The following CPA6 variants were observed in gnomAD, a reference collection of about 807,000 sequenced individuals.
CPA6 encodes carboxypeptidase B.
Under a neutral mutation model 63.3 loss-of-function variants are expected in CPA6, and 58 were observed. The observed-to-expected ratio is 0.92, with a 90% CI of 0.74 to 1.14. CPA6 has a LOEUF of 1.14. Ranked by LOEUF, CPA6 falls within the 50% of genes most tolerant of loss-of-function variation. CPA6 has a pLI of 0.00. For missense variants in CPA6, 565 were observed against 526.6 expected, an observed-to-expected ratio of 1.07 and a Z score of -0.71; for synonymous variants, 185 against 179.0, an observed-to-expected ratio of 1.03 and a Z score of -0.27.
At chr8:67,478,399 A>G (rs762199352) in intron 8 of CPA6, among the ~76,000 whole-genome samples, 17 of 152,324 alleles carry the variant, frequency 1.1e-4, no homozygotes, top group Non-Finnish European at 1.8e-4. Context: ...GAATTGAAAG[A>G]GGGGGTCTTG....
intron 8 of CPA6, among the ~76,000 whole-genome samples, chr8:67,447,479 C>T (rs1237082068): frequency 6.7e-6 from 1 of 148,766 alleles, no homozygotes; most frequent in Admixed American, 6.8e-5. Flanking sequence ...AGGAATAGGG[C>T]CCTGGGCTGA....
intron 2 of CPA6, among the ~76,000 whole-genome samples, chr8:67,618,127 G>A (rs1265670807): frequency 6.6e-6 from 1 of 152,210 alleles, no homozygotes; most frequent in Non-Finnish European, 1.5e-5. Context: ...TTTCAGGAGA[G>A]AAGATGTGTG....
chr8:67,677,127 C>T (rs62511390), intron 1 of CPA6, among the ~76,000 whole-genome samples: 5,349 of 152,186 alleles, frequency 0.035, 122 homozygotes, highest in Non-Finnish European at 0.047. Flanking sequence ...GTACAACCTT[C>T]GCAGTTTACC....
At chr8:67,599,776 C>T (rs1814444405) in intron 2 of CPA6, among the ~76,000 whole-genome samples, 1 of 152,080 alleles carries the variant, frequency 6.6e-6, no homozygotes, top group Non-Finnish European at 1.5e-5. Context: ...CTGAAGAATG[C>T]CATGATGATA....
At chr8:67,487,321 T>G (rs1438437084) in intron 6 of CPA6, among the ~76,000 whole-genome samples, 1 of 152,160 alleles carries the variant, frequency 6.6e-6, no homozygotes, top group Non-Finnish European at 1.5e-5. Context: ...TCTGTCCTTG[T>G]GATAGTTTGC....
Position 67,453,354 on chromosome 8 carries a change from G to C in CPA6, c.839-19114C>G, listed in dbSNP as rs999701951. ...ATTGATCCATGGGTTTAAGGCCTGA[G>C]TAACTGGAAGGATGGAGTTGCCATC... On this transcript the variant is annotated intron_variant, in intron 8 of 10. Transcript: ENST00000297770. Among the ~76,000 whole-genome samples the C allele has an allele frequency of 2.0e-5, 3 of 152,288 alleles. No homozygotes were observed. In the East Asian group the frequency reaches 5.8e-4, roughly 29 times the overall value.
Position 67,584,946 on chromosome 8 carries a change from G to A in CPA6, c.192+39230C>T, listed in dbSNP as rs924757359. Among the ~76,000 whole-genome samples the A allele has an allele frequency of 8.5e-5, 13 of 152,272 alleles. No individual in the cohort carries two copies. The South Asian group carries it at 1.0e-3, about 12-fold the overall frequency. ...CATCTGCTTGGACATACCATTAGCC[G>A]ATTAGCAAGAAGGATGATTCCTATG... On this transcript the variant is annotated intron_variant, in intron 2 of 10. Coordinates refer to ENST00000297770, the MANE Select transcript of CPA6 (RefSeq NM_020361.5).
chr8:67,553,131 T>G (rs1024992329), intron 2 of CPA6, among the ~76,000 whole-genome samples: 1 of 152,216 alleles, frequency 6.6e-6, no homozygotes, highest in Non-Finnish European at 1.5e-5. Context: ...GTTGATGCTT[T>G]CTTGATTTTT....
At chr8:67,737,159 T>C (rs1158476834) in intron 1 of CPA6, among the ~76,000 whole-genome samples, 1 of 152,186 alleles carries the variant, frequency 6.6e-6, no homozygotes, top group Non-Finnish European at 1.5e-5. Context: ...CAGAACCATA[T>C]GTTATGGGAC....
intron 1 of CPA6, 67 bp from the exon 2 acceptor site, chr8:67,624,318 T>C: frequency 1.2e-6 from 1 of 850,324 alleles, no homozygotes; most frequent in Non-Finnish European, 1.8e-6. Context: ...ATCTCTTTCT[T>C]ACCTCTTAAA....
intron 1 of CPA6, among the ~76,000 whole-genome samples, chr8:67,678,867 A>G (rs1165550107): frequency 6.6e-6 from 1 of 152,248 alleles, no homozygotes. Context: ...CCAAGATTAG[A>G]ATAGGTATAT....
intron 8 of CPA6, among the ~76,000 whole-genome samples, chr8:67,459,150 A>C (rs939472469): frequency 6.6e-6 from 1 of 152,098 alleles, no homozygotes; most frequent in Non-Finnish European, 1.5e-5. Flanking sequence ...ATTTTTATCT[A>C]TTTATTTATT....
Position 67,524,019 on chromosome 8 carries a change from C to T in CPA6, c.193-5972G>A, listed in dbSNP as rs74481585. On this transcript the variant is annotated intron_variant, in intron 2 of 10. Transcript: ENST00000297770. ...GAAAACTTGATATCAAGTTTGTCTT[C>T]GACTAGTGTTTAATTTAGACAATCA... Among the ~76,000 whole-genome samples the T allele has an allele frequency of 3.0e-3, 464 of 152,304 alleles. 1 individual carries two copies. The highest frequency in any genetic ancestry group is 6.8e-3 in the South Asian group (33 of 4,830).
chr8:67,656,950 A>G (rs1032036725), intron 1 of CPA6, among the ~76,000 whole-genome samples: 4 of 152,228 alleles, frequency 2.6e-5, no homozygotes, highest in Non-Finnish European at 5.9e-5. Flanking sequence ...CTGAGGCAGT[A>G]CGATGCCATT....
chr8:67,592,673 G>A (rs372588586), intron 2 of CPA6, among the ~76,000 whole-genome samples: 56 of 152,088 alleles, frequency 3.7e-4, no homozygotes, highest in South Asian at 8.3e-4. Flanking sequence ...GTTTATTTGC[G>A]TAGAGGTGTT....
At chr8:67,631,801 A>C (rs1321384363) in intron 1 of CPA6, among the ~76,000 whole-genome samples, 1 of 152,146 alleles carries the variant, frequency 6.6e-6, no homozygotes, top group African/African-American at 2.4e-5. Flanking sequence ...GTGGCCAGCG[A>C]GATCATGAAC....
In CPA6 at chr8:67,548,994, GC is replaced by G. The variant is rs536304717; in HGVS notation, c.193-30948del. 8.1e-4 allele frequency among the ~76,000 whole-genome samples: 123 copies of G among 152,318 alleles called. 2 individuals are homozygous for G. The East Asian group carries it at 0.02, about 25-fold the overall frequency. The stretch of plus-strand genomic sequence containing the variant: ...CTTGTGAGACAGAATAGAATTTACA[GC>G]TGTCTGAAATTTAATTTAAAAAATT... On this transcript the variant is annotated intron_variant, in intron 2 of 10. Coordinates refer to ENST00000297770, the MANE Select transcript of CPA6 (RefSeq NM_020361.5).
chr8:67,551,784 T>A lies in CPA6; in HGVS notation c.193-33737A>T, dbSNP rs1812944308. Among the ~76,000 whole-genome samples, 3 of 152,354 alleles carry A rather than the reference T, an allele frequency of 2.0e-5. No homozygotes were observed. In the South Asian group the frequency reaches 6.2e-4, roughly 32 times the overall value. ...AGGTATTTTATTTTTTTGGTGTGGC[T>A]ATTGGAAATGGGATTGCATTCTTGA... is the stretch of plus-strand genomic sequence containing the variant. On this transcript the variant is annotated intron_variant, in intron 2 of 10. Coordinates refer to ENST00000297770, the MANE Select transcript of CPA6 (RefSeq NM_020361.5).
chr8:67,536,739 T>TTCCAA (rs1206371328), intron 2 of CPA6, among the ~76,000 whole-genome samples: 1 of 152,160 alleles, frequency 6.6e-6, no homozygotes, highest in Admixed American at 6.5e-5. Context: ...CTATGTTGAA[T>TTCCAA]AGGATTGATG....
Sources: gnomAD v4.1 joint callset for allele counts (sites outside exome capture counted in the v4.1 genomes callset) on GRCh38, gnomAD v4.1.1 for gene constraint, MANE v1.5 for transcripts, NCBI Gene and HGNC (gene_info 2026-07-23, HGNC 2026-07-21) for gene names.